Variants in INPP5A observed in about 807,000 individuals in gnomAD.
The protein encoded by INPP5A is 43 kDa inositol polyphosphate 5-phophatase.
A neutral mutation model predicts 65.2 loss-of-function variants in INPP5A; 14 were observed. The ratio of observed to expected loss-of-function variants is 0.21; its 90% CI spans 0.14 to 0.34. INPP5A has a LOEUF of 0.34. INPP5A is among the 10% of genes least tolerant of loss of function. The pLI, the probability that INPP5A is intolerant of heterozygous loss-of-function variation, is 1.00. For missense variants in INPP5A, 431 were observed against 545.6 expected, an observed-to-expected ratio of 0.79 and a Z score of 2.09; for synonymous variants, 207 against 208.3, an observed-to-expected ratio of 0.99 and a Z score of 0.05.
intron 2 of INPP5A, among the ~76,000 whole-genome samples, chr10:132,617,389 G>A (rs1253133639): frequency 6.6e-6 from 1 of 152,220 alleles, no homozygotes; most frequent in African/African-American, 2.4e-5. Flanking sequence ...TGACTGCAGG[G>A]ACGAGAGGAA....
intron 1 of INPP5A, among the ~76,000 whole-genome samples, chr10:132,567,670 C>T (rs930258151): frequency 5.3e-5 from 8 of 152,156 alleles, no homozygotes; most frequent in South Asian, 4.1e-4. Flanking sequence ...GGTGAAGATG[C>T]GGGGCTCGGT....
Position 132,555,834 on chromosome 10 carries a change from G to A in INPP5A, c.75+17663G>A, listed in dbSNP as rs928868991. Among the ~76,000 whole-genome samples the A allele has an allele frequency of 3.9e-5, 6 of 152,182 alleles. No homozygotes were observed. Among genetic ancestry groups the A allele is most frequent in the Non-Finnish European group, 7.3e-5 (5 of 68,032 alleles). ...AGACAGACCAGGGGGTGACTTCAGC[G>A]TTTTATGGCAGCTGCTGCATTAGGA... is the stretch of plus-strand genomic sequence containing the variant. On this transcript the variant is annotated intron_variant, in intron 1 of 15. Coordinates refer to ENST00000368594, the MANE Select transcript of INPP5A (RefSeq NM_005539.5). This position sits in a 1 kb window ranked among gnomAD's most constrained non-coding sequence, Gnocchi z 4.4.
At chr10:132,564,382 T>C (rs1320179147) in intron 1 of INPP5A, among the ~76,000 whole-genome samples, 2 of 152,092 alleles carry the variant, frequency 1.3e-5, no homozygotes, top group African/African-American at 4.8e-5. Context: ...ACGTCTCTGG[T>C]GGGCTTGGAG....
chr10:132,618,420 A>C (rs776764142), intron 2 of INPP5A, among the ~76,000 whole-genome samples: 3 of 152,258 alleles, frequency 2.0e-5, no homozygotes, highest in Non-Finnish European at 4.4e-5. Context: ...GAGTTGCAAC[A>C]TAGCTCAGAG....
intron 2 of INPP5A, among the ~76,000 whole-genome samples, chr10:132,629,991 T>A (rs2072243149): frequency 6.6e-6 from 1 of 151,928 alleles, no homozygotes. Context: ...AACGTCATCC[T>A]CGAGGGAAAA....
chr10:132,655,854 C>T (rs1290008129), intron 4 of INPP5A, among the ~76,000 whole-genome samples: 1 of 152,256 alleles, frequency 6.6e-6, no homozygotes, highest in East Asian at 1.9e-4. Context: ...GCTTGTCACC[C>T]GCCCCTCCCA....
intron 8 of INPP5A, among the ~76,000 whole-genome samples, chr10:132,718,166 T>C (rs1845779058): frequency 6.8e-6 from 1 of 146,696 alleles, no homozygotes; most frequent in East Asian, 2.1e-4. Context: ...GGTTCTGTGG[T>C]ACCTGGGTTC....
Position 132,749,622 on chromosome 10 carries a change from G to T in INPP5A, c.828+10G>T. On this transcript the variant is annotated intron_variant, in intron 10 of 15. Transcript: ENST00000368594. Reference sequence around the variant, plus strand: ...GGACAACGACCGGAAGGTGAGCGGGGCCTGTGACTGGGCAGGTGACGCACG... The same window carrying T: ...GGACAACGACCGGAAGGTGAGCGGGTCCTGTGACTGGGCAGGTGACGCACG... 6.2e-7 allele frequency: 1 copy of T among 1,612,100 alleles called. No individual in the cohort carries two copies. The highest frequency in any genetic ancestry group is 1.1e-5 in the South Asian group (1 of 91,076).
intron 2 of INPP5A, among the ~76,000 whole-genome samples, chr10:132,610,585 G>A (rs976368020): frequency 1.1e-4 from 17 of 152,242 alleles, no homozygotes; most frequent in African/African-American, 3.6e-4. Context: ...GCTGCAGGGC[G>A]CAGGTGTGGT....
At chr10:132,701,815 G>A (rs1845442212) in intron 6 of INPP5A, among the ~76,000 whole-genome samples, 1 of 152,244 alleles carries the variant, frequency 6.6e-6, no homozygotes, top group South Asian at 2.1e-4. Flanking sequence ...TGGGGCGTCG[G>A]GAGGCGGGGA....
intron 3 of INPP5A, among the ~76,000 whole-genome samples, chr10:132,648,666 T>A (rs1173033617): frequency 6.6e-6 from 1 of 152,248 alleles, no homozygotes; most frequent in African/African-American, 2.4e-5. Context: ...GCTTGTCAAT[T>A]TTTTTTCCTC....
chr10:132,599,626 G>A (rs1367160978), intron 1 of INPP5A, among the ~76,000 whole-genome samples: 1 of 152,214 alleles, frequency 6.6e-6, no homozygotes, highest in Non-Finnish European at 1.5e-5. Flanking sequence ...ACTAGGCATT[G>A]CCCCAATAGA....
Position 132,676,357 on chromosome 10 carries a change from G to A in INPP5A, c.307-14035G>A, listed in dbSNP as rs2072964577. On this transcript the variant is annotated intron_variant, in intron 4 of 15. Transcript: ENST00000368594. The surrounding 1 kb of genome is among the most constrained non-coding windows in gnomAD (Gnocchi z 4.0). ...GGGCGTCACGTCTCCCTGTGGCCGA[G>A]GCTGCTGTTGTCTGGCACACCGTGA... Among the ~76,000 whole-genome samples, 1 of 152,162 alleles carries A rather than the reference G, an allele frequency of 6.6e-6. No individual in the cohort carries two copies. The highest frequency in any genetic ancestry group is 2.1e-4 in the South Asian group (1 of 4,824).
At chr10:132,562,137 C>T (rs988268452) in intron 1 of INPP5A, among the ~76,000 whole-genome samples, 1 of 152,284 alleles carries the variant, frequency 6.6e-6, no homozygotes, top group African/African-American at 2.4e-5. Flanking sequence ...CTGCACTGTG[C>T]ACCGTGAGGC....
At chr10:132,602,801 G>C (rs1343558796) in intron 1 of INPP5A, among the ~76,000 whole-genome samples, 3 of 152,190 alleles carry the variant, frequency 2.0e-5, no homozygotes, top group Non-Finnish European at 4.4e-5. Context: ...TGCTCTTAGA[G>C]GGAAAGCTTT....
chr10:132,539,878 G>A (rs1333121021), intron 1 of INPP5A, among the ~76,000 whole-genome samples: 2 of 152,196 alleles, frequency 1.3e-5, no homozygotes, highest in Non-Finnish European at 2.9e-5. Flanking sequence ...TTAACAAAAG[G>A]CGCTGTTTTT....
intron 12 of INPP5A, among the ~76,000 whole-genome samples, chr10:132,775,186 G>GAAACGGGC (rs1847040128): frequency 1.9e-3 from 1 of 524 alleles, no homozygotes; most frequent in Non-Finnish European, 3.4e-3. Flanking sequence ...GGCAGGGAGA[G>GAAACGGGC]AGGGAGGGGC....
At position 132,753,678 on chromosome 10, in the gene INPP5A, C is replaced by T. The variant is rs1846537854; in HGVS notation, c.903+3833C>T. 1 of 152,186 alleles carries T rather than the reference C, an allele frequency of 6.6e-6. No individual in the cohort carries two copies. Among genetic ancestry groups the T allele is most frequent in the Non-Finnish European group, 1.5e-5 (1 of 68,042 alleles). 9.4% of individuals were successfully genotyped at this position (152,186 alleles called of 1,614,324 possible). A position where few individuals can be genotyped will look rare whatever the true frequency, so the allele number is the denominator to read the frequency against. On this transcript the variant is annotated intron_variant, in intron 11 of 15. Transcript: ENST00000368594. This position sits in a 1 kb window ranked among gnomAD's most constrained non-coding sequence, Gnocchi z 5.3. Reference sequence around the variant, plus strand: ...CCAGGGCCGGGCTTGGGAGTTTCCGCAGCACCGGCCTCTTGGAGGGAGGTG... The same window carrying T: ...CCAGGGCCGGGCTTGGGAGTTTCCGTAGCACCGGCCTCTTGGAGGGAGGTG...
Position 132,678,476 on chromosome 10 carries a change from T to C in INPP5A, c.307-11916T>C, listed in dbSNP as rs75258021. 0.029 allele frequency among the ~76,000 whole-genome samples: 4,458 copies of C among 152,288 alleles called. 107 individuals carry two copies. Among genetic ancestry groups the C allele is most frequent in the African/African-American group, 0.053 (2,207 of 41,554 alleles). ...GGGTTAAATGTGTGACTTTTGCAAG[T>C]GTGTTCAGCTTCTCGGGAGCACCGT... On this transcript the variant is annotated intron_variant, in intron 4 of 15. Coordinates refer to ENST00000368594, the MANE Select transcript of INPP5A (RefSeq NM_005539.5). This position sits in a 1 kb window ranked among gnomAD's most constrained non-coding sequence, Gnocchi z 4.1.
Sources: gnomAD v4.1 joint callset for allele counts (sites outside exome capture counted in the v4.1 genomes callset) on GRCh38, gnomAD v4.1.1 for gene constraint, Gnocchi (gnomAD v3.1) non-coding constraint, MANE v1.5 for transcripts, NCBI Gene and HGNC (gene_info 2026-07-23, HGNC 2026-07-21) for gene names.